The following BFSP1 variants were observed in gnomAD, a reference collection of about 807,000 sequenced individuals.
BFSP1 encodes the protein filensin.
Under a neutral mutation model 43.9 loss-of-function variants are expected in BFSP1, and 38 were observed. That is an observed-to-expected ratio of 0.87 (90% CI 0.67 to 1.14). The LOEUF (loss-of-function observed/expected upper bound fraction) is 1.14, where lower values mean the gene tolerates loss of function less well. Among genes scored for constraint, BFSP1 ranks in the 50% most tolerant of loss-of-function variants. BFSP1 has a pLI of 0.00. For synonymous variants in BFSP1, 352 were observed against 354.8 expected, an observed-to-expected ratio of 0.99 and a Z score of 0.09; for missense variants, 850 against 875.1, an observed-to-expected ratio of 0.97 and a Z score of 0.36.
At position 17,531,072 on chromosome 20, in the gene BFSP1, G is replaced by A; in HGVS notation, c.258C>T (p.Asp86=). 2 of 1,394,850 alleles carry A rather than the reference G, an allele frequency of 1.4e-6. No individual in the cohort carries two copies. Among genetic ancestry groups the A allele is most frequent in the Non-Finnish European group, 1.9e-6 (2 of 1,075,904 alleles). The allele number at this position is 1,394,850 out of a possible 1,614,324, so 86.4% of individuals were successfully genotyped here. ...QRLGELAGPE[D]ALARQVESNR... ...TGCTCTCGACTTGGCGGGCGAGGGC[G>A]TCCTCGGGCCCGGCCAGCTCGCCCA... Residue 86 remains aspartate, a synonymous_variant, in exon 1 of 8, where the codon GAC becomes GAT. Transcript: ENST00000377873.
At chr20:17,516,007 G>C (rs1271984135) in intron 2 of BFSP1, among the ~76,000 whole-genome samples, 1 of 152,178 alleles carries the variant, frequency 6.6e-6, no homozygotes, top group Non-Finnish European at 1.5e-5. Flanking sequence ...GTTTCGGTCT[G>C]GCAAGGCCTT....
chr20:17,537,809 T>G (rs1047460759), intron 1 of BFSP1, among the ~76,000 whole-genome samples: 1 of 152,150 alleles, frequency 6.6e-6, no homozygotes, highest in Admixed American at 6.5e-5. Context: ...TTAAACATTG[T>G]ATTACGACAT....
chr20:17,511,349 G>A (rs566587580), intron 4 of BFSP1, among the ~76,000 whole-genome samples: 23 of 152,232 alleles, frequency 1.5e-4, no homozygotes, highest in Admixed American at 7.2e-4. Context: ...GCAGAGCTCC[G>A]TCTTGGAAAT....
rs1480132327 is a variant in BFSP1, at chr20:17,531,229, C to G, written c.101G>C (p.Gly34Ala). ...CGCCAGGCTCGTTGCCCCAGCCCAGCCCTCGTCGGCCGGGCGCTCGGGCTC... is the reference window on the plus strand; with the variant it reads ...CGCCAGGCTCGTTGCCCCAGCCCAGGCCTCGTCGGCCGGGCGCTCGGGCTC... Reference protein sequence around the residue: ...AAEPERPADEGWAGATSLAAL... With the variant: ...AAEPERPADEAWAGATSLAAL... The change falls in exon 1 of 8, where the codon GGC (glycine) becomes GCC (alanine). Residue 34 changes from glycine to alanine, a missense_variant. Transcript: ENST00000377873. 1.4e-6 allele frequency: 2 copies of G among 1,389,136 alleles called. No homozygotes were observed. Among genetic ancestry groups the G allele is most frequent in the Admixed American group, 2.9e-5 (1 of 34,128 alleles). The allele number at this position is 1,389,136 out of a possible 1,614,324, so 86.1% of individuals were successfully genotyped here. A position where few individuals can be genotyped will look rare whatever the true frequency, so the allele number is the denominator to read the frequency against.
chr20:17,504,211 G>A (rs760451708), intron 5 of BFSP1, among the ~76,000 whole-genome samples: 10 of 152,192 alleles, frequency 6.6e-5, no homozygotes, highest in Admixed American at 5.2e-4. Context: ...CTCCAACTCC[G>A]TACTGGTCGC....
chr20:17,548,088 T>C (rs1435261887), intron 1 of BFSP1, among the ~76,000 whole-genome samples: 1 of 148,846 alleles, frequency 6.7e-6, no homozygotes, highest in Non-Finnish European at 1.5e-5. Flanking sequence ...AAAACAAATA[T>C]TAATAGTGGG....
At chr20:17,532,179 G>A (rs949486644), upstream of BFSP1, among the ~76,000 whole-genome samples, 1 of 152,126 alleles carries the variant, frequency 6.6e-6, no homozygotes, top group Non-Finnish European at 1.5e-5. Context: ...TTGGGAGGCC[G>A]AGGCGGGCGG....
rs199533439 is a variant in BFSP1 at position 17,494,337 on chromosome 20, C to T, written c.1735G>A (p.Gly579Ser). 8 of 1,614,146 alleles carry T rather than the reference C, an allele frequency of 5.0e-6. No homozygotes were observed. The highest frequency in any genetic ancestry group is 2.2e-5 in the East Asian group (1 of 44,874). ...TCAGGTATAGATGGTTCCTCTGCAC[C>T]GGGTGTGACCATGGCACAGGGTCTC... ...SRRPCAMVTP[G>S]AEEPSIPEPP... is the part of the protein sequence containing the mutation. Residue 579 changes from glycine to serine, a missense_variant, in exon 8 of 8, where the codon GGT (glycine) becomes AGT (serine). Coordinates refer to ENST00000377873, the MANE Select transcript of BFSP1 (RefSeq NM_001195.5).
At chr20:17,500,492 G>A (rs1172472094) in intron 5 of BFSP1, among the ~76,000 whole-genome samples, 5 of 152,146 alleles carry the variant, frequency 3.3e-5, no homozygotes, top group East Asian at 1.9e-4. Flanking sequence ...TGAGGACGCC[G>A]GCGTAAACAG....
intron 2 of BFSP1, chr20:17,517,385 C>A: frequency 1.2e-6 from 1 of 825,702 alleles, no homozygotes. Context: ...TTTCCTTTTG[C>A]GTTTCCTCCT....
At chr20:17,503,980 G>A (rs1568684526) in intron 5 of BFSP1, among the ~76,000 whole-genome samples, 1 of 152,370 alleles carries the variant, frequency 6.6e-6, no homozygotes, top group Non-Finnish European at 1.5e-5. Flanking sequence ...TACAAGTGGA[G>A]TGCAATCTTT....
chr20:17,526,908 G>C (rs2034435547), intron 1 of BFSP1, among the ~76,000 whole-genome samples: 1 of 152,156 alleles, frequency 6.6e-6, no homozygotes, highest in African/African-American at 2.4e-5. Flanking sequence ...TGGAGTTTCT[G>C]TCCTTTATAG....
intron 1 of BFSP1, among the ~76,000 whole-genome samples, chr20:17,555,304 A>AAT (rs1420267067): frequency 6.6e-6 from 1 of 151,012 alleles, no homozygotes; most frequent in East Asian, 1.9e-4. Flanking sequence ...AAAAAAAAAA[A>AAT]AAAAAAAGAA....
At chr20:17,558,584 C>T in intron 1 of BFSP1, 1 of 1,281,870 alleles carries the variant, frequency 7.8e-7, no homozygotes. Flanking sequence ...GTGCAACCCG[C>T]TTGCTGTACC....
chr20:17,555,238 G>A (rs2034970271), intron 1 of BFSP1, among the ~76,000 whole-genome samples: 1 of 134,748 alleles, frequency 7.4e-6, no homozygotes, highest in Non-Finnish European at 1.5e-5. Context: ...AGTGAGCTGT[G>A]TTCGTGCTGT....
At chr20:17,505,375 A>G (rs2033909821) in intron 5 of BFSP1, among the ~76,000 whole-genome samples, 1 of 152,164 alleles carries the variant, frequency 6.6e-6, no homozygotes, top group Non-Finnish European at 1.5e-5. Context: ...ATTTCTGACA[A>G]GTTCCCAGGT....
intron 1 of BFSP1, among the ~76,000 whole-genome samples, chr20:17,558,472 G>T (rs546910960): frequency 1.3e-5 from 2 of 152,154 alleles, no homozygotes; most frequent in Non-Finnish European, 2.9e-5. Context: ...TGCACTTCTT[G>T]TTTCTTGTAA....
chr20:17,546,773 C>T (rs1183350861), intron 1 of BFSP1, among the ~76,000 whole-genome samples: 1 of 152,058 alleles, frequency 6.6e-6, no homozygotes, highest in Non-Finnish European at 1.5e-5. Flanking sequence ...CGCCTGTAAT[C>T]CCAATACTTT....
At chr20:17,554,224 C>T (rs2034954779) in intron 1 of BFSP1, among the ~76,000 whole-genome samples, 2 of 152,080 alleles carry the variant, frequency 1.3e-5, no homozygotes, top group African/African-American at 2.4e-5. Context: ...CCAATACTAT[C>T]AAAGCTTTAA....
Sources: gnomAD v4.1 joint callset for allele counts (sites outside exome capture counted in the v4.1 genomes callset) on GRCh38, gnomAD v4.1.1 for gene constraint, MANE v1.5 for transcripts, NCBI Gene and HGNC (gene_info 2026-07-23, HGNC 2026-07-21) for gene names.